The following ZNF536 variants were observed in gnomAD, a reference collection of about 807,000 sequenced individuals.
The protein encoded by ZNF536 is zinc finger protein 536.
Under a neutral mutation model 84.5 loss-of-function variants are expected in ZNF536, and 13 were observed. The observed-to-expected ratio is 0.15, with a 90% CI of 0.10 to 0.24. The LOEUF is 0.24. ZNF536 is among the 10% of genes least tolerant of loss of function. The probability of loss-of-function intolerance (pLI) is 1.00; values close to 1 mark genes in which losing one functional copy is unlikely to be tolerated. For synonymous variants in ZNF536, 811 were observed against 742.5 expected (o/e 1.09, Z -1.50); for missense variants, 1,536 against 1,747.5 (o/e 0.88, Z 2.16).
intron 1 of ZNF536, among the ~76,000 whole-genome samples, chr19:30,263,809 T>C (rs1407116155): frequency 6.6e-6 from 1 of 151,916 alleles, no homozygotes; most frequent in Non-Finnish European, 1.5e-5. Flanking sequence ...TCCCTGAATC[T>C]CTCCTGATGC....
intron 1 of ZNF536, among the ~76,000 whole-genome samples, chr19:30,634,672 C>T (rs191522382): frequency 1.1e-4 from 16 of 152,198 alleles, no homozygotes; most frequent in Admixed American, 5.2e-4. Flanking sequence ...CACTTAATGC[C>T]GGTGAATGTT....
At chr19:30,275,844 T>TA (rs879561999) in intron 1 of ZNF536, among the ~76,000 whole-genome samples, 114 of 149,626 alleles carry the variant, frequency 7.6e-4, no homozygotes, top group Non-Finnish European at 1.4e-3. Flanking sequence ...TGTGTGAGTG[T>TA]GTGTGTGTGT....
intron 2 of ZNF536, among the ~76,000 whole-genome samples, chr19:30,446,546 A>G (rs1310935946): frequency 6.6e-6 from 1 of 151,974 alleles, no homozygotes; most frequent in Non-Finnish European, 1.5e-5. Flanking sequence ...TCCCTCCCCA[A>G]GCCAAACCTA....
intron 2 of ZNF536, among the ~76,000 whole-genome samples, chr19:30,471,858 T>A (rs3786807): frequency 0.3 from 46,093 of 152,088 alleles, 8,583 homozygotes; most frequent in African/African-American, 0.5. Context: ...ACTTTTATTT[T>A]TAAGTTTTTT....
intron 2 of ZNF536, among the ~76,000 whole-genome samples, chr19:30,513,433 T>C (rs1426289439): frequency 2.0e-5 from 3 of 152,200 alleles, no homozygotes; most frequent in African/African-American, 7.2e-5. Flanking sequence ...GATGGACATA[T>C]TGGATTAAGT....
At chr19:30,468,680 A>T (rs3786808) in intron 2 of ZNF536, among the ~76,000 whole-genome samples, 50,136 of 151,568 alleles carry the variant, frequency 0.33, 10,775 homozygotes, top group African/African-American at 0.6. Context: ...AGGGATGGAG[A>T]TATGGTCTTG....
At chr19:30,414,829 T>C (rs1412912605) in intron 1 of ZNF536, among the ~76,000 whole-genome samples, 1 of 152,244 alleles carries the variant, frequency 6.6e-6, no homozygotes, top group African/African-American at 2.4e-5. Flanking sequence ...GAGTCCTTTT[T>C]TATCTGAAAA....
At position 30,444,496 on chromosome 19, in the gene ZNF536, G is replaced by C. The variant is rs2148186118; in HGVS notation, c.934G>C (p.Glu312Gln). ...CTLCDFAASQ[E>Q]EELISHVEKA... ...GTTGTGCGACTTCGCGGCTTCGCAG[G>C]AGGAGGAGCTCATCAGCCACGTGGA... The change falls in exon 2 of 5, where the codon GAG becomes CAG. Residue 312 changes from glutamate to glutamine, a missense_variant. Around this residue, in one of 8 missense-constraint regions of ZNF536, gnomAD observed 61 missense variants for 104.0 expected, o/e 0.59. Transcript: ENST00000355537. 6.2e-7 allele frequency: 1 copy of C among 1,611,862 alleles called. No individual in the cohort carries two copies. Among genetic ancestry groups the C allele is most frequent in the South Asian group, 1.1e-5 (1 of 91,052 alleles).
intron 1 of ZNF536, among the ~76,000 whole-genome samples, chr19:30,685,395 G>A (rs971779712): frequency 6.6e-6 from 1 of 151,918 alleles, no homozygotes; most frequent in Non-Finnish European, 1.5e-5. Context: ...TAGGTGTGGG[G>A]TGTGTGTGTG....
At position 30,461,570 on chromosome 19, in the gene ZNF536, C is replaced by T. The variant is rs556824703; in HGVS notation, c.2170+15838C>T. Among the ~76,000 whole-genome samples the T allele has an allele frequency of 5.8e-4, 89 of 152,282 alleles. 3 individuals carry two copies. The South Asian group carries it at 0.017, about 30-fold the overall frequency. On this transcript the variant is annotated intron_variant, in intron 2 of 4. Coordinates refer to ENST00000355537, the MANE Select transcript of ZNF536 (RefSeq NM_014717.3). ...CCAGAGCTGTGGTTGTGAATATCCC[C>T]GAGCCCCTGCTCAAGGTCACACTTG...
At chr19:30,302,650 C>A (rs1052452022) in intron 2 of ZNF536, among the ~76,000 whole-genome samples, 2 of 152,070 alleles carry the variant, frequency 1.3e-5, no homozygotes, top group Non-Finnish European at 2.9e-5. Context: ...GGTGAGCCCA[C>A]GAGCCTCTGG....
chr19:30,342,225 A>T (rs1429188291), intron 2 of ZNF536, among the ~76,000 whole-genome samples: 2 of 152,212 alleles, frequency 1.3e-5, no homozygotes, highest in Admixed American at 1.3e-4. Context: ...TTGCATAAAA[A>T]TTCCCATTGT....
At chr19:30,522,262 C>CACATGTATATATATATAT (rs2044375836) in intron 2 of ZNF536, among the ~76,000 whole-genome samples, 4 of 7,634 alleles carry the variant, frequency 5.2e-4, no homozygotes, top group African/African-American at 2.9e-3. Flanking sequence ...GATATATATA[C>CACATGTATATATATATAT]ATATATATAT....
chr19:30,443,492 GC>G, intron 1 of ZNF536, 68 bp from the exon 2 acceptor site: 1 of 1,489,240 alleles, frequency 6.7e-7, no homozygotes, highest in Non-Finnish European at 8.9e-7. Context: ...TTCCCTGCCC[GC>G]CAATGCTGTT....
chr19:30,476,489 C>T (rs144011461), intron 2 of ZNF536, among the ~76,000 whole-genome samples: 76 of 152,268 alleles, frequency 5.0e-4, no homozygotes, highest in African/African-American at 1.6e-3. Flanking sequence ...GCATATAATT[C>T]GATGAGAATC....
chr19:30,595,038 TGCAGTGGGCACC>T (rs375189792), intron 1 of ZNF536, among the ~76,000 whole-genome samples: 518 of 152,158 alleles, frequency 3.4e-3, no homozygotes, highest in African/African-American at 0.012. Flanking sequence ...TGCAGGTGGC[TGCAGTGGGCACC>T]GCACAGAGGT....
Position 30,443,828 on chromosome 19 carries a change from G to A in ZNF536, c.266G>A (p.Gly89Asp), listed in dbSNP as rs2148155739. ...ATGGCGCTCCTGGCCAACCAGCTGG[G>A]CCGGGAGGTGGACACCAGCCTCAAC... is the stretch of plus-strand genomic sequence containing the variant. ...SQMALLANQL[G>D]REVDTSLNGR... Residue 89 changes from glycine to aspartate, a missense_variant, in exon 2 of 5, where the codon GGC becomes GAC. By Grantham distance (94) the Gly-to-Asp change is moderately conservative. This residue lies in a region of ZNF536 where 161 missense variants were observed against 178.5 expected (regional missense o/e 0.90). Transcript: ENST00000355537. 1 of 1,613,212 alleles carries A rather than the reference G, an allele frequency of 6.2e-7. No individual in the cohort carries two copies.
chr19:30,610,902 G>C (rs545460965), intron 1 of ZNF536, among the ~76,000 whole-genome samples: 4 of 152,302 alleles, frequency 2.6e-5, no homozygotes, highest in African/African-American at 9.6e-5. Context: ...CTACCAAATG[G>C]AGCATTGTTT....
chr19:30,486,068 T>C (rs1311859686), intron 2 of ZNF536, among the ~76,000 whole-genome samples: 2 of 152,120 alleles, frequency 1.3e-5, no homozygotes, highest in African/African-American at 4.8e-5. Flanking sequence ...CAGTGACACA[T>C]GTATTTTCTT....
Sources: allele counts gnomAD v4.1 joint callset (sites outside exome capture counted in the v4.1 genomes callset), GRCh38; gene constraint gnomAD v4.1.1; regional missense constraint gnomAD v4.1.1; transcripts MANE v1.5; gene names NCBI Gene and HGNC (gene_info 2026-07-23, HGNC 2026-07-21).